The following SYT1 variants were observed in gnomAD, a reference collection of about 807,000 sequenced individuals.
SYT1 encodes synaptotagmin 1, also known as synaptotagmin-1.
SYT1 carries 8 observed loss-of-function variants against 44.8 expected under a neutral mutation model. The ratio of observed to expected loss-of-function variants is 0.18; its 90% CI spans 0.10 to 0.32. The LOEUF (loss-of-function observed/expected upper bound fraction) is 0.32, where lower values mean the gene tolerates loss of function less well. Ranked by LOEUF, SYT1 falls within the 10% of genes least tolerant of loss-of-function variation. The pLI is 1.00. For synonymous variants in SYT1, 154 were observed against 188.8 expected, an observed-to-expected ratio of 0.82 and a Z score of 1.51; for missense variants, 286 against 509.3, an observed-to-expected ratio of 0.56 and a Z score of 4.22.
intron 3 of SYT1, among the ~76,000 whole-genome samples, chr12:79,205,881 A>T (rs1874090726): frequency 6.6e-6 from 1 of 152,066 alleles, no homozygotes. Flanking sequence ...GTTTGTTTAA[A>T]TTTTTTTTAA....
At chr12:78,970,258 C>G (rs1362874407) in intron 1 of SYT1, among the ~76,000 whole-genome samples, 1 of 152,054 alleles carries the variant, frequency 6.6e-6, no homozygotes, top group Non-Finnish European at 1.5e-5. Flanking sequence ...TGGGCCTAGC[C>G]CATTGCAAAC....
intron 8 of SYT1, among the ~76,000 whole-genome samples, chr12:79,312,828 T>G (rs1449214888): frequency 6.6e-6 from 1 of 151,170 alleles, no homozygotes; most frequent in Non-Finnish European, 1.5e-5. Context: ...TGCTCTAGTC[T>G]TCTAAGAAAG....
chr12:79,035,649 C>T (rs1236967008), intron 2 of SYT1, among the ~76,000 whole-genome samples: 2 of 151,616 alleles, frequency 1.3e-5, no homozygotes, highest in East Asian at 1.9e-4. Context: ...TCTGCCATCA[C>T]TGCCATGCCA....
chr12:79,328,099 A>T (rs566555963), intron 8 of SYT1, among the ~76,000 whole-genome samples: 1 of 152,312 alleles, frequency 6.6e-6, no homozygotes, highest in African/African-American at 2.4e-5. Context: ...CAGTGTGAAG[A>T]TGAATTGGAG....
At chr12:79,081,608 C>T (rs893408181) in intron 3 of SYT1, among the ~76,000 whole-genome samples, 4 of 151,946 alleles carry the variant, frequency 2.6e-5, no homozygotes, top group Admixed American at 2.6e-4. Flanking sequence ...CAAACTCCTG[C>T]TCTCAGGCAA....
At chr12:78,909,365 T>G (rs192764437) in intron 1 of SYT1, among the ~76,000 whole-genome samples, 72 of 152,042 alleles carry the variant, frequency 4.7e-4, no homozygotes, top group Non-Finnish European at 7.4e-4. Flanking sequence ...ATAATTTATT[T>G]TTTTTCTTAT....
chr12:78,889,226 T>C (rs1874912723), intron 1 of SYT1, among the ~76,000 whole-genome samples: 1 of 151,928 alleles, frequency 6.6e-6, no homozygotes, highest in African/African-American at 2.4e-5. Flanking sequence ...TTTCAGAGAA[T>C]TTTCTCTGAA....
rs114241156 is a variant in SYT1 at position 78,896,553 on chromosome 12, A to C, written c.-217+31444A>C. 5.6e-3 allele frequency among the ~76,000 whole-genome samples: 857 copies of C among 151,870 alleles called. 14 individuals are homozygous for C. The highest frequency in any genetic ancestry group is 0.019 in the African/African-American group (790 of 41,516). On this transcript the variant is annotated intron_variant, in intron 1 of 10. Coordinates refer to ENST00000261205, the MANE Select transcript of SYT1 (RefSeq NM_005639.3). The stretch of plus-strand genomic sequence containing the variant: ...GAACAAACATATTCTGAAACATAGA[A>C]GAGGTGAGTTTAACTTGAAATTAAG...
chr12:78,971,042 T>C (rs1868365924), intron 1 of SYT1, among the ~76,000 whole-genome samples: 1 of 152,152 alleles, frequency 6.6e-6, no homozygotes, highest in South Asian at 2.1e-4. Flanking sequence ...TGCATGCCTG[T>C]GATCCTAGCT....
At chr12:79,087,549 T>C (rs1877465319) in intron 3 of SYT1, among the ~76,000 whole-genome samples, 1 of 152,118 alleles carries the variant, frequency 6.6e-6, no homozygotes, top group Non-Finnish European at 1.5e-5. Context: ...CTAGTTCCTG[T>C]CCTCAGAGAG....
At chr12:79,096,184 C>A (rs561966396) in intron 3 of SYT1, among the ~76,000 whole-genome samples, 1 of 152,014 alleles carries the variant, frequency 6.6e-6, no homozygotes, top group South Asian at 2.1e-4. Context: ...CTTTAATTCC[C>A]TTTTCCTGTG....
At chr12:79,400,394 A>G (rs1885027775) in intron 9 of SYT1, among the ~76,000 whole-genome samples, 1 of 152,172 alleles carries the variant, frequency 6.6e-6, no homozygotes, top group African/African-American at 2.4e-5. Context: ...TGCCTGCAAA[A>G]TTAAGTTTTT....
chr12:79,204,585 T>C (rs1272252791), intron 3 of SYT1, among the ~76,000 whole-genome samples: 4 of 152,238 alleles, frequency 2.6e-5, no homozygotes, highest in African/African-American at 9.6e-5. Flanking sequence ...ACCAAAAGCA[T>C]CTAGTACCAT....
At chr12:78,907,294 C>A (rs1176301112) in intron 1 of SYT1, among the ~76,000 whole-genome samples, 1 of 151,788 alleles carries the variant, frequency 6.6e-6, no homozygotes, top group Admixed American at 6.6e-5. Context: ...CAAAAACCAC[C>A]CCATAAAATA....
At chr12:78,950,019 A>G (rs1041969334) in intron 1 of SYT1, among the ~76,000 whole-genome samples, 1 of 151,970 alleles carries the variant, frequency 6.6e-6, no homozygotes, top group Non-Finnish European at 1.5e-5. Flanking sequence ...TTAACCCACA[A>G]TTCTCCAATT....
At chr12:78,873,412 C>T (rs201801990) in intron 1 of SYT1, among the ~76,000 whole-genome samples, 1 of 151,504 alleles carries the variant, frequency 6.6e-6, no homozygotes, top group East Asian at 1.9e-4. Context: ...ACTCTAATTG[C>T]AAAATAAATT....
chr12:78,965,826 C>A (rs141306820), intron 1 of SYT1, among the ~76,000 whole-genome samples: 1 of 152,034 alleles, frequency 6.6e-6, no homozygotes, highest in Non-Finnish European at 1.5e-5. Context: ...CACCTGTAAT[C>A]CCAGCACTTT....
At chr12:78,906,685 C>G (rs530366656) in intron 1 of SYT1, among the ~76,000 whole-genome samples, 1 of 152,010 alleles carries the variant, frequency 6.6e-6, no homozygotes, top group Non-Finnish European at 1.5e-5. Flanking sequence ...TGATGCAGGT[C>G]GTGGACAGAC....
chr12:79,156,386 C>A (rs1261819582), intron 3 of SYT1, among the ~76,000 whole-genome samples: 1 of 149,378 alleles, frequency 6.7e-6, no homozygotes, highest in Non-Finnish European at 1.5e-5. Context: ...ACTATTCTTA[C>A]CCCCAAACTG....
Sources: allele counts gnomAD v4.1 joint callset (sites outside exome capture counted in the v4.1 genomes callset), GRCh38; gene constraint gnomAD v4.1.1; transcripts MANE v1.5; gene names NCBI Gene and HGNC (gene_info 2026-07-23, HGNC 2026-07-21).